ARHGEF10L: variants seen among roughly 807,000 people sequenced by gnomAD.
ARHGEF10L encodes rho guanine nucleotide exchange factor 10-like protein.
In ARHGEF10L, 69 loss-of-function variants were observed where a neutral mutation model predicts 141.2. The observed-to-expected ratio is 0.49, with a 90% confidence interval of 0.40 to 0.60. The LOEUF (loss-of-function observed/expected upper bound fraction) is 0.60. ARHGEF10L is among the 20% of genes least tolerant of loss of function. ARHGEF10L has a pLI of 0.00. For missense variants in ARHGEF10L, 1,482 were observed against 1,734.3 expected (o/e 0.85, Z 2.58); for synonymous variants, 711 against 718.5 (o/e 0.99, Z 0.17).
chr1:17,666,953 C>T (rs2063022248), intron 26 of ARHGEF10L, among the ~76,000 whole-genome samples: 1 of 151,814 alleles, frequency 6.6e-6, no homozygotes, highest in Non-Finnish European at 1.5e-5. Flanking sequence ...TTTCCCAGGC[C>T]CTTTCGGGTC....
chr1:17,614,779 C>G (rs979330489), intron 8 of ARHGEF10L, among the ~76,000 whole-genome samples: 4 of 152,190 alleles, frequency 2.6e-5, no homozygotes, highest in African/African-American at 9.7e-5. Context: ...TTCCCTGCTG[C>G]TGGTTCCTTC....
chr1:17,522,325 C>T, the ARHGEF10L span, among the ~76,000 whole-genome samples: 8 of 152,212 alleles, frequency 5.3e-5, no homozygotes, highest in Admixed American at 2.6e-4. Flanking sequence ...AGCCAGCCAA[C>T]GCCGTCCTGA....
intron 25 of ARHGEF10L, 72 bp from the exon 26 acceptor site, chr1:17,664,375 T>C: frequency 6.6e-7 from 1 of 1,525,730 alleles, no homozygotes; most frequent in Non-Finnish European, 8.8e-7. Flanking sequence ...AGCCCCCTGC[T>C]GCTGGCCTGC....
chr1:17,602,918 T>C lies in ARHGEF10L; in HGVS notation c.350-590T>C, dbSNP rs180878105. Among the ~76,000 whole-genome samples the C allele has an allele frequency of 1.3e-3, 194 of 151,626 alleles. 3 individuals carry two copies. The highest frequency in any genetic ancestry group is 6.8e-3 in the Middle Eastern group (2 of 294). The stretch of plus-strand genomic sequence containing the variant: ...TCGTGGTCTTGTAGGACAGGAAGTC[T>C]GAGGGTGGGAACTAGGGGTCTAGAG... On this transcript the variant is annotated intron_variant, in intron 5 of 28. Transcript: ENST00000361221.
At chr1:17,545,975 T>C (rs1005365371) in intron 1 of ARHGEF10L, among the ~76,000 whole-genome samples, 2 of 152,134 alleles carry the variant, frequency 1.3e-5, no homozygotes, top group Non-Finnish European at 2.9e-5. Context: ...TATTGAGAGT[T>C]CAGTCTGGCT....
chr1:17,668,124 G>A (rs1557985359), intron 26 of ARHGEF10L, among the ~76,000 whole-genome samples: 4 of 152,196 alleles, frequency 2.6e-5, no homozygotes, highest in Admixed American at 6.5e-5. Flanking sequence ...CGTTTCACAC[G>A]GTCTTGGCAC....
At chr1:17,622,797 G>A (rs545481400) in intron 11 of ARHGEF10L, among the ~76,000 whole-genome samples, 199 bp from the exon 12 acceptor site, 9 of 152,158 alleles carry the variant, frequency 5.9e-5, no homozygotes, top group Non-Finnish European at 1.2e-4. Context: ...GAAGCATGGG[G>A]GTGTTGTGTG....
intron 21 of ARHGEF10L, among the ~76,000 whole-genome samples, chr1:17,647,912 G>A (rs372177846): frequency 5.2e-4 from 79 of 152,252 alleles, no homozygotes; most frequent in Non-Finnish European, 9.6e-4. Flanking sequence ...GTCTGGGGTC[G>A]GGTTAGGCAT....
intron 22 of ARHGEF10L, among the ~76,000 whole-genome samples, chr1:17,650,732 CAAAAA>C (rs71575854): frequency 6.2e-4 from 48 of 77,908 alleles, no homozygotes; most frequent in Non-Finnish European, 9.2e-4. Flanking sequence ...GACCCTGTCT[CAAAAA>C]AAAAAAAAAA....
intron 15 of ARHGEF10L, among the ~76,000 whole-genome samples, chr1:17,630,867 C>T (rs775589116): frequency 6.6e-5 from 10 of 152,182 alleles, no homozygotes; most frequent in Non-Finnish European, 1.3e-4. Context: ...CATTCTCTCC[C>T]GAGGAGGCTC....
rs545074838 is a variant in ARHGEF10L at position 17,640,333 on chromosome 1, G to C, written c.2272+31G>C. On this transcript the variant is annotated intron_variant, in intron 21 of 28. Coordinates refer to ENST00000361221, the MANE Select transcript of ARHGEF10L (RefSeq NM_018125.4). The stretch of plus-strand genomic sequence containing the variant: ...TATAGCCCCAGGGAGAGTGCCTCAG[G>C]GGGCAGGGGTGTGGAACGGGGAGGT... The C allele has an allele frequency of 3.7e-5, 58 of 1,576,094 alleles. No individual in the cohort carries two copies. The East Asian group carries it at 1.2e-3, about 33-fold the overall frequency.
In ARHGEF10L at chr1:17,607,701, C is replaced by G; in HGVS notation, c.434-101C>G. On this transcript the variant is annotated intron_variant, in intron 6 of 28. Coordinates refer to ENST00000361221, the MANE Select transcript of ARHGEF10L (RefSeq NM_018125.4). The surrounding 1 kb of genome is among the most constrained non-coding windows in gnomAD (Gnocchi z 4.5). The stretch of plus-strand genomic sequence containing the variant: ...CCAGGGCCCCCATGTTCTCCCTGAC[C>G]CCCCCTCGCCCCACCTGGGTTCAGA... The G allele has an allele frequency of 8.0e-7, 1 of 1,254,492 alleles. No homozygotes were observed. Among genetic ancestry groups the G allele is most frequent in the South Asian group, 1.9e-5 (1 of 53,536 alleles). 77.7% of individuals were successfully genotyped at this position (1,254,492 alleles called of 1,614,324 possible).
the ARHGEF10L span, among the ~76,000 whole-genome samples, chr1:17,524,183 C>T: frequency 1.3e-5 from 2 of 151,748 alleles, no homozygotes; most frequent in African/African-American, 4.8e-5. Context: ...TGAGGCAGGA[C>T]AATTGCTTGA....
At position 17,619,563 on chromosome 1, in the gene ARHGEF10L, C is replaced by T; in HGVS notation, c.942+118C>T. On this transcript the variant is annotated intron_variant, in intron 10 of 28. Coordinates refer to ENST00000361221, the MANE Select transcript of ARHGEF10L (RefSeq NM_018125.4). The surrounding 1 kb of genome is among the most constrained non-coding windows in gnomAD (Gnocchi z 5.0). ...TCACAGGGGATATGATGACTGGGGG[C>T]TCTTGGCAGAGCCCAGCTGGATAGG... is the stretch of plus-strand genomic sequence containing the variant. The T allele has an allele frequency of 1.2e-6, 1 of 818,202 alleles. No homozygotes were observed. The highest frequency in any genetic ancestry group is 1.9e-5 in the South Asian group (1 of 51,678). The allele number at this position is 818,202 out of a possible 1,614,324, so 50.7% of individuals were successfully genotyped here. A position where few individuals can be genotyped will look rare whatever the true frequency, so the allele number is the denominator to read the frequency against.
At position 17,664,460 on chromosome 1, in the gene ARHGEF10L, G is replaced by T; in HGVS notation, c.2874G>T (p.Trp958Cys). 1 of 1,604,284 alleles carries T rather than the reference G, an allele frequency of 6.2e-7. No individual in the cohort carries two copies. Residue 958 changes from tryptophan to cysteine, a missense_variant, in exon 26 of 29, where the codon TGG becomes TGT. Trp to Cys is a radical substitution (Grantham distance 215). Coordinates refer to ENST00000361221, the MANE Select transcript of ARHGEF10L (RefSeq NM_018125.4). ...AYPRTSGGVL[W>C]DLESPPVCLT... ...CTCTCCCTGCAGGAGGTGTCCTGTGGGACCTGGAGAGCCCTCCCGTGTGCC... is the reference window on the plus strand; with the variant it reads ...CTCTCCCTGCAGGAGGTGTCCTGTGTGACCTGGAGAGCCCTCCCGTGTGCC...
At chr1:17,606,924 C>T (rs148684227) in intron 6 of ARHGEF10L, among the ~76,000 whole-genome samples, 2 of 152,330 alleles carry the variant, frequency 1.3e-5, no homozygotes, top group Non-Finnish European at 2.9e-5. Context: ...CTTGTGGGAC[C>T]TGTCCCTCCA....
chr1:17,593,070 C>T (rs888820068), intron 4 of ARHGEF10L, among the ~76,000 whole-genome samples: 2 of 152,180 alleles, frequency 1.3e-5, no homozygotes, highest in African/African-American at 4.8e-5. Context: ...CCTTTGAGGA[C>T]CCCCACAGCC....
intron 6 of ARHGEF10L, among the ~76,000 whole-genome samples, chr1:17,606,530 G>A (rs2081188514): frequency 6.6e-6 from 1 of 151,462 alleles, no homozygotes; most frequent in Admixed American, 6.6e-5. Flanking sequence ...CTGACCTCAG[G>A]CGATCCACCC....
At chr1:17,689,646 A>T (rs944558889) in intron 27 of ARHGEF10L, 4 of 169,356 alleles carry the variant, frequency 2.4e-5, no homozygotes, top group South Asian at 5.1e-5. Flanking sequence ...TTCTTGTTTC[A>T]TAGTATTTAG....
Sources: gnomAD v4.1 joint callset for allele counts (sites outside exome capture counted in the v4.1 genomes callset) on GRCh38, gnomAD v4.1.1 for gene constraint, Gnocchi (gnomAD v3.1) non-coding constraint, MANE v1.5 for transcripts, NCBI Gene and HGNC (gene_info 2026-07-23, HGNC 2026-07-21) for gene names.